RRP12: variants seen among roughly 807,000 people sequenced by gnomAD.
RRP12 encodes the protein ribosomal RNA processing 12 homolog.
In RRP12, 78 loss-of-function variants were observed where a neutral mutation model predicts 157.3. The ratio of observed to expected loss-of-function variants is 0.50; its 90% CI spans 0.41 to 0.60. The LOEUF is 0.60. RRP12 is among the 20% of genes least tolerant of loss of function. RRP12 has a pLI of 0.00. For missense variants in RRP12, 1,521 were observed against 1,679.9 expected (o/e 0.91, Z 1.65); for synonymous variants, 726 against 670.9 (o/e 1.08, Z -1.27).
chr10:97,369,155 T>C (rs899474370), intron 25 of RRP12, among the ~76,000 whole-genome samples: 7 of 152,064 alleles, frequency 4.6e-5, no homozygotes, highest in African/African-American at 1.4e-4. Flanking sequence ...ATCTGTAAAA[T>C]GAGGAGTGGC....
At chr10:97,373,018 C>A (rs142815369) in intron 18 of RRP12, 28 bp downstream of exon 18, 1 of 1,589,806 alleles carries the variant, frequency 6.3e-7, no homozygotes, top group Non-Finnish European at 8.6e-7. Context: ...CTCCCCTCCT[C>A]CCTCCTTCCC....
At chr10:97,371,839 C>A (rs142727217) in intron 20 of RRP12, 2 of 453,394 alleles carry the variant, frequency 4.4e-6, no homozygotes, top group South Asian at 3.7e-5. Context: ...CTTGGTTCTA[C>A]AAGAGTCACT....
At position 97,380,724 on chromosome 10, in the gene RRP12, C is replaced by T. The variant is rs184775365; in HGVS notation, c.1533+75G>A. ...GAGCAGGGTGCAGAGATAACAGAGA[C>T]ACGTGCCCTCCAGGAGCCCATAGTC... On this transcript the variant is annotated intron_variant, in intron 13 of 33. Transcript: ENST00000370992. 643 of 1,042,356 alleles carry T rather than the reference C, an allele frequency of 6.2e-4. 5 individuals are homozygous for T. The African/African-American group carries it at 8.8e-3, about 14-fold the overall frequency. 64.6% of individuals were successfully genotyped at this position (1,042,356 alleles called of 1,614,324 possible).
At chr10:97,371,941 G>T in intron 20 of RRP12, 132 bp downstream of exon 20, 1 of 622,082 alleles carries the variant, frequency 1.6e-6, no homozygotes, top group Non-Finnish European at 2.8e-6. Flanking sequence ...AGAAGCCACT[G>T]CAGGAGAAAG....
At chr10:97,375,654 C>T (rs1203106359) in intron 15 of RRP12, among the ~76,000 whole-genome samples, 1 of 151,896 alleles carries the variant, frequency 6.6e-6, no homozygotes, top group African/African-American at 2.4e-5. Context: ...TGGTAATGAC[C>T]CTCATTTTGG....
chr10:97,390,906 C>T, intron 4 of RRP12, 62 bp from the exon 5 acceptor site: 1 of 1,104,204 alleles, frequency 9.1e-7, no homozygotes. Flanking sequence ...GGTGCAGCCC[C>T]TCGTGGTACT....
intron 31 of RRP12, 62 bp downstream of exon 31, chr10:97,360,484 C>A (rs1263955951): frequency 2.1e-5 from 29 of 1,359,056 alleles, no homozygotes; most frequent in Non-Finnish European, 2.9e-5. Flanking sequence ...TCCTGTGACT[C>A]CCCTCCCTAA....
At chr10:97,399,917 C>CA (rs1845090282) in intron 2 of RRP12, among the ~76,000 whole-genome samples, 1 of 151,714 alleles carries the variant, frequency 6.6e-6, no homozygotes, top group South Asian at 2.1e-4. Context: ...GACTCTGTCT[C>CA]AAAATAAATA....
At chr10:97,365,837 GA>G in intron 29 of RRP12, 1 of 368,488 alleles carries the variant, frequency 2.7e-6, no homozygotes, top group South Asian at 3.5e-5. Context: ...GAGAAAAACA[GA>G]AGAGACTAAC....
chr10:97,359,850 C>G (rs557419441), intron 31 of RRP12, among the ~76,000 whole-genome samples: 7 of 152,206 alleles, frequency 4.6e-5, no homozygotes, highest in Admixed American at 4.6e-4. Context: ...CTCATGGGTG[C>G]CACAGGCGGA....
At chr10:97,380,564 C>T (rs1238499968) in intron 13 of RRP12, among the ~76,000 whole-genome samples, 2 of 152,164 alleles carry the variant, frequency 1.3e-5, no homozygotes, top group Non-Finnish European at 2.9e-5. Context: ...GTTTCAAAAC[C>T]AGTAACTCCA....
At chr10:97,385,053 G>A in intron 10 of RRP12, 113 bp downstream of exon 10, 1 of 555,454 alleles carries the variant, frequency 1.8e-6, no homozygotes, top group Non-Finnish European at 3.0e-6. Context: ...AACCTTGGCA[G>A]CCAGGATGAA....
At chr10:97,371,259 G>A (rs953588777) in intron 20 of RRP12, 178 bp from the exon 21 acceptor site, 3 of 667,060 alleles carry the variant, frequency 4.5e-6, no homozygotes, top group Non-Finnish European at 7.7e-6. Context: ...GAGGCACAGG[G>A]GTTGGGGGTG....
intron 15 of RRP12, among the ~76,000 whole-genome samples, chr10:97,374,788 A>C (rs1422723183): frequency 6.6e-6 from 1 of 151,544 alleles, no homozygotes; most frequent in Non-Finnish European, 1.5e-5. Flanking sequence ...AAAAAAAAAA[A>C]ACCATAGGGA....
intron 29 of RRP12, 45 bp from the exon 30 acceptor site, chr10:97,363,948 C>T: frequency 6.4e-7 from 1 of 1,568,606 alleles, no homozygotes; most frequent in Non-Finnish European, 8.8e-7. Context: ...GGGAGCTCCT[C>T]AAAACCTACC....
At chr10:97,372,204 C>G (rs530566544) in intron 19 of RRP12, 38 bp from the exon 20 acceptor site, 2 of 1,545,794 alleles carry the variant, frequency 1.3e-6, no homozygotes, top group East Asian at 4.5e-5. Flanking sequence ...GGATGGGGAG[C>G]TGGAGAAGGG....
chr10:97,372,315 C>T (rs1844179844), intron 19 of RRP12, 149 bp from the exon 20 acceptor site: 1 of 592,120 alleles, frequency 1.7e-6, no homozygotes, highest in South Asian at 2.1e-5. Flanking sequence ...ATAATAATAG[C>T]TAGTACCTAA....
At chr10:97,381,539 T>C in intron 11 of RRP12, 56 bp from the exon 12 acceptor site, 4 of 1,390,104 alleles carry the variant, frequency 2.9e-6, no homozygotes, top group South Asian at 1.3e-5. Flanking sequence ...AGGACCACTC[T>C]CCCCTCCCAG....
At chr10:97,378,922 T>C (rs1844384802) in intron 15 of RRP12, among the ~76,000 whole-genome samples, 1 of 152,122 alleles carries the variant, frequency 6.6e-6, no homozygotes, top group Non-Finnish European at 1.5e-5. Context: ...AAAGTATATA[T>C]ACATATAAAC....
Sources: gnomAD v4.1 joint callset for allele counts (sites outside exome capture counted in the v4.1 genomes callset) on GRCh38, gnomAD v4.1.1 for gene constraint, MANE v1.5 for transcripts, NCBI Gene and HGNC (gene_info 2026-07-23, HGNC 2026-07-21) for gene names.